ZFHX3: variants seen among roughly 807,000 people sequenced by gnomAD.
The protein encoded by ZFHX3 is zinc finger homeobox protein 3.
In ZFHX3, 42 loss-of-function variants were observed where a neutral mutation model predicts 279.1. The ratio of observed to expected loss-of-function variants is 0.15; its 90% CI spans 0.12 to 0.19. The LOEUF is 0.19. ZFHX3 is among the 10% of genes least tolerant of loss of function. ZFHX3 has a pLI of 1.00. For synonymous variants in ZFHX3, 2,293 were observed against 1,957.8 expected (o/e 1.17, Z -4.52); for missense variants, 4,981 against 4,754.0 (o/e 1.05, Z -1.40).
intron 3 of ZFHX3, among the ~76,000 whole-genome samples, chr16:73,352,649 TA>T (rs1480311741): frequency 2.0e-5 from 3 of 152,002 alleles, no homozygotes; most frequent in Admixed American, 2.0e-4. Flanking sequence ...CAGGTTGATT[TA>T]AAAAAGTTTT....
intron 2 of ZFHX3, among the ~76,000 whole-genome samples, chr16:73,513,984 A>G (rs980829943): frequency 6.6e-6 from 1 of 152,184 alleles, no homozygotes; most frequent in Non-Finnish European, 1.5e-5. Context: ...GGCCATGTGC[A>G]GTGGCTGTAA....
intron 1 of ZFHX3, among the ~76,000 whole-genome samples, chr16:73,743,467 C>A (rs2053676746): frequency 6.6e-6 from 1 of 152,124 alleles, no homozygotes; most frequent in Non-Finnish European, 1.5e-5. Context: ...ATAGCTATTT[C>A]CAAATTTTCC....
intron 2 of ZFHX3, among the ~76,000 whole-genome samples, chr16:73,629,096 G>C (rs2052444361): frequency 1.3e-5 from 2 of 152,214 alleles, no homozygotes; most frequent in Non-Finnish European, 2.9e-5. Flanking sequence ...ATAGAGAGCA[G>C]TGATGGAAAC....
At chr16:73,643,017 T>C (rs769985725) in intron 2 of ZFHX3, among the ~76,000 whole-genome samples, 15 of 152,198 alleles carry the variant, frequency 9.9e-5, no homozygotes, top group Non-Finnish European at 1.8e-4. Context: ...TTAAATTAAT[T>C]TTAAAGAAAA....
upstream of ZFHX3, chr16:73,061,845 T>C (rs917088075): frequency 3.9e-5 from 6 of 152,342 alleles, no homozygotes; most frequent in East Asian, 7.7e-4. Context: ...TTGTTTCTTA[T>C]ATAAAACGGT....
intron 3 of ZFHX3, among the ~76,000 whole-genome samples, chr16:72,939,016 C>G (rs571597494): frequency 1.3e-5 from 1 of 75,576 alleles, no homozygotes; most frequent in South Asian, 3.0e-4. Flanking sequence ...GTCTAGGACA[C>G]ATAGCCCTGG....
intron 5 of ZFHX3, among the ~76,000 whole-genome samples, chr16:73,155,801 C>T (rs544295100): frequency 8.0e-5 from 12 of 150,800 alleles, no homozygotes; most frequent in South Asian, 4.2e-4. Flanking sequence ...CCAGCCTGGG[C>T]GACAAGAGAG....
At chr16:73,323,654 C>T (rs1348894682) in intron 3 of ZFHX3, among the ~76,000 whole-genome samples, 1 of 152,120 alleles carries the variant, frequency 6.6e-6, no homozygotes, top group Non-Finnish European at 1.5e-5. Context: ...CTGTACATGT[C>T]TTTGGGTAAA....
At chr16:73,103,553 G>A (rs1018688136) in intron 7 of ZFHX3, among the ~76,000 whole-genome samples, 3 of 152,160 alleles carry the variant, frequency 2.0e-5, no homozygotes, top group African/African-American at 7.2e-5. Context: ...CTTTCACATT[G>A]CAGTACAGTT....
intron 3 of ZFHX3, among the ~76,000 whole-genome samples, chr16:73,352,917 A>G (rs1473832008): frequency 6.6e-6 from 1 of 152,092 alleles, no homozygotes; most frequent in Non-Finnish European, 1.5e-5. Flanking sequence ...GGCTTGGTTC[A>G]GGGCTGGGGT....
intron 5 of ZFHX3, among the ~76,000 whole-genome samples, chr16:73,228,401 G>A (rs1040244609): frequency 6.6e-6 from 1 of 152,156 alleles, no homozygotes; most frequent in Non-Finnish European, 1.5e-5. Flanking sequence ...GGTGGCTCAC[G>A]CGTATAATCC....
intron 2 of ZFHX3, among the ~76,000 whole-genome samples, chr16:73,496,390 G>T (rs1399627143): frequency 2.0e-5 from 3 of 152,150 alleles, no homozygotes; most frequent in Non-Finnish European, 4.4e-5. Flanking sequence ...ATTTAGCAAG[G>T]CATGGTGGTG....
chr16:72,860,476 G>C (rs1025844710), intron 4 of ZFHX3, among the ~76,000 whole-genome samples: 3 of 152,118 alleles, frequency 2.0e-5, no homozygotes, highest in African/African-American at 7.2e-5. Context: ...TGTTGCCCAG[G>C]CTGGAATGCA....
chr16:73,471,519 C>T (rs2018667075), intron 2 of ZFHX3, among the ~76,000 whole-genome samples: 1 of 152,128 alleles, frequency 6.6e-6, no homozygotes, highest in Non-Finnish European at 1.5e-5. Context: ...AGTGATTCTC[C>T]TGCCTCAGCC....
chr16:73,881,488 C>G lies in ZFHX3; in HGVS notation c.-1608+10163G>C, dbSNP rs1039901879. On this transcript the variant is annotated intron_variant, in intron 1 of 17. Coordinates refer to the ZFHX3 transcript ENST00000641206. Reference sequence around the variant, plus strand: ...TCTCTCTCTCTCTCTCTGCCCCCCCCCCCCACTCTGCCCATGGTTACTGCT... The same window carrying G: ...TCTCTCTCTCTCTCTCTGCCCCCCCGCCCCACTCTGCCCATGGTTACTGCT... Among the ~76,000 whole-genome samples, 125 of 86,764 alleles carry G rather than the reference C, an allele frequency of 1.4e-3. 9 individuals carry two copies. The highest frequency in any genetic ancestry group is 4.4e-3 in the African/African-American group (125 of 28,218). The allele number at this position is 86,764 out of a possible 152,430, so 56.9% of individuals were successfully genotyped here.
intron 3 of ZFHX3, among the ~76,000 whole-genome samples, chr16:73,413,123 G>A (rs2017502856): frequency 6.6e-6 from 1 of 152,226 alleles, no homozygotes; most frequent in African/African-American, 2.4e-5. Context: ...ATCAGAGAAG[G>A]CCACAGAGAT....
chr16:73,239,898 A>G (rs546770448), intron 5 of ZFHX3, among the ~76,000 whole-genome samples: 1 of 152,330 alleles, frequency 6.6e-6, no homozygotes, highest in South Asian at 2.1e-4. Context: ...ATACCGAACC[A>G]TCGCTCCTAG....
chr16:73,815,450 T>C (rs555753075), intron 1 of ZFHX3: 8 of 152,320 alleles, frequency 5.3e-5, no homozygotes, highest in African/African-American at 1.4e-4. Flanking sequence ...AGGGGAAATC[T>C]TTCTCTTAAT....
At chr16:73,334,874 ACTTT>A (rs2015883301) in intron 3 of ZFHX3, among the ~76,000 whole-genome samples, 1 of 121,890 alleles carries the variant, frequency 8.2e-6, no homozygotes, top group African/African-American at 3.2e-5. Flanking sequence ...TGACGTAAGA[ACTTT>A]CTTTGTTCCA....
Sources: allele counts gnomAD v4.1 joint callset (sites outside exome capture counted in the v4.1 genomes callset), GRCh38; gene constraint gnomAD v4.1.1; transcripts MANE v1.5; gene names NCBI Gene and HGNC (gene_info 2026-07-23, HGNC 2026-07-21).